The following ASIC2 variants were observed in gnomAD, a reference collection of about 807,000 sequenced individuals.
ASIC2 encodes the protein acid sensing ion channel subunit 2.
Under a neutral mutation model 57.3 loss-of-function variants are expected in ASIC2, and 25 were observed. The ratio of observed to expected loss-of-function variants is 0.44; its 90% CI spans 0.32 to 0.61. ASIC2 has a LOEUF of 0.61. Among genes scored for constraint, ASIC2 ranks in the 20% least tolerant of loss-of-function variants. ASIC2 has a pLI of 0.06. For missense variants in ASIC2, 641 were observed against 738.1 expected (o/e 0.87, Z 1.52); for synonymous variants, 319 against 307.5 (o/e 1.04, Z -0.39).
chr17:33,843,262 G>A (rs1376758732), intron 1 of ASIC2, among the ~76,000 whole-genome samples: 1 of 152,202 alleles, frequency 6.6e-6, no homozygotes, highest in Non-Finnish European at 1.5e-5. Flanking sequence ...GCATATGGTA[G>A]GTGGTCAATG....
intron 1 of ASIC2, among the ~76,000 whole-genome samples, chr17:33,436,461 G>A (rs1313399287): frequency 6.6e-6 from 1 of 152,096 alleles, no homozygotes; most frequent in East Asian, 1.9e-4. Context: ...TCTGGCAACT[G>A]ACTGAACCCA....
intron 3 of ASIC2, among the ~76,000 whole-genome samples, chr17:33,035,721 A>G (rs1304206153): frequency 6.6e-6 from 1 of 152,216 alleles, no homozygotes; most frequent in Non-Finnish European, 1.5e-5. Context: ...CAATGGCAGC[A>G]ACTGAAATTA....
chr17:33,579,171 A>C (rs991340500), intron 1 of ASIC2, among the ~76,000 whole-genome samples: 23 of 151,982 alleles, frequency 1.5e-4, no homozygotes, highest in African/African-American at 5.3e-4. Flanking sequence ...CTGTAATCCC[A>C]GCTACTTGAG....
intron 1 of ASIC2, among the ~76,000 whole-genome samples, chr17:33,576,732 C>T (rs1232580014): frequency 6.6e-6 from 1 of 151,924 alleles, no homozygotes; most frequent in African/African-American, 2.4e-5. Context: ...TTTCTCCTTA[C>T]TCCCTACCCA....
At chr17:34,153,295 TA>T (rs1904594949) in intron 1 of ASIC2, among the ~76,000 whole-genome samples, 1 of 152,088 alleles carries the variant, frequency 6.6e-6, no homozygotes. Flanking sequence ...CCACCGCACT[TA>T]AAGAAAGAAG....
Position 34,011,187 on chromosome 17 carries a change from GCA to G in ASIC2, c.555+144789_555+144790del, listed in dbSNP as rs966056803. Among the ~76,000 whole-genome samples the G allele has an allele frequency of 3.8e-4, 37 of 97,408 alleles. No homozygotes were observed. In the East Asian group the frequency reaches 9.5e-3, roughly 25 times the overall value. 63.9% of individuals were successfully genotyped at this position (97,408 alleles called of 152,430 possible). A position where few individuals can be genotyped will look rare whatever the true frequency, so the allele number is the denominator to read the frequency against. Reference sequence around the variant, plus strand: ...TGCCTCCAGTCAAACATGCACAGATGCACACACACATAGACATATACAGACAC... The same window carrying G: ...TGCCTCCAGTCAAACATGCACAGATGCACACACATAGACATATACAGACAC... On this transcript the variant is annotated intron_variant, in intron 1 of 9. Transcript: ENST00000359872.
chr17:33,855,950 T>C (rs1014879045), intron 1 of ASIC2, among the ~76,000 whole-genome samples: 1 of 151,188 alleles, frequency 6.6e-6, no homozygotes, highest in African/African-American at 2.4e-5. Flanking sequence ...GATTAAAAAA[T>C]GATAAGGTCC....
At chr17:33,124,578 C>T (rs2092316123) in intron 1 of ASIC2, among the ~76,000 whole-genome samples, 2 of 152,130 alleles carry the variant, frequency 1.3e-5, no homozygotes, top group African/African-American at 4.8e-5. Flanking sequence ...GCCAGTGTCT[C>T]TGTAGTAAAA....
At chr17:33,149,305 C>T (rs1049716613) in intron 1 of ASIC2, among the ~76,000 whole-genome samples, 2 of 152,140 alleles carry the variant, frequency 1.3e-5, no homozygotes, top group Non-Finnish European at 2.9e-5. Flanking sequence ...ATATGAACTA[C>T]AAACTTTGTT....
chr17:33,781,360 G>C (rs1438370117), intron 1 of ASIC2, among the ~76,000 whole-genome samples: 2 of 152,128 alleles, frequency 1.3e-5, no homozygotes, highest in Non-Finnish European at 2.9e-5. Context: ...TGCATTTCTT[G>C]GAATTGCTTT....
chr17:33,713,136 AG>A (rs1909105995), intron 1 of ASIC2, among the ~76,000 whole-genome samples: 1 of 152,240 alleles, frequency 6.6e-6, no homozygotes, highest in Non-Finnish European at 1.5e-5. Flanking sequence ...TATTAGGAAC[AG>A]GTCACTAGGA....
chr17:33,227,012 T>TC (rs1273839516), intron 1 of ASIC2, among the ~76,000 whole-genome samples: 1 of 152,026 alleles, frequency 6.6e-6, no homozygotes, highest in Non-Finnish European at 1.5e-5. Context: ...CAATAACTTT[T>TC]TTTTCAAGCC....
intron 1 of ASIC2, among the ~76,000 whole-genome samples, chr17:33,230,820 T>C (rs1908061888): frequency 1.3e-5 from 2 of 152,136 alleles, no homozygotes; most frequent in Non-Finnish European, 2.9e-5. Flanking sequence ...TGCGCAAGGT[T>C]AATGCTGGGC....
chr17:34,155,793 C>T (rs910614393), intron 1 of ASIC2: 10 of 651,810 alleles, frequency 1.5e-5, no homozygotes, highest in Non-Finnish European at 2.3e-5. Flanking sequence ...GTGCTCTATC[C>T]TGGCCGGTAG....
intron 1 of ASIC2, among the ~76,000 whole-genome samples, chr17:33,553,909 T>C (rs886778480): frequency 1.2e-4 from 19 of 152,150 alleles, no homozygotes; most frequent in Non-Finnish European, 2.8e-4. Flanking sequence ...GCAAAGAACT[T>C]TGATTGTTCT....
At chr17:33,893,759 T>A (rs1271794539) in intron 1 of ASIC2, among the ~76,000 whole-genome samples, 3 of 152,220 alleles carry the variant, frequency 2.0e-5, no homozygotes, top group Non-Finnish European at 4.4e-5. Context: ...ATGTAGTGGA[T>A]CATAAGTCAC....
At chr17:33,317,886 A>AGTGTGTGTGTGTGT in intron 1 of ASIC2, among the ~76,000 whole-genome samples, 1 of 144,454 alleles carries the variant, frequency 6.9e-6, no homozygotes, top group Non-Finnish European at 1.5e-5. Flanking sequence ...TGTGGAGATG[A>AGTGTGTGTGTGTGT]GTGTGTGTGT....
intron 1 of ASIC2, among the ~76,000 whole-genome samples, chr17:33,737,574 C>T (rs1909958451): frequency 1.3e-5 from 2 of 152,242 alleles, no homozygotes; most frequent in Admixed American, 1.3e-4. Context: ...CTTTGAACTT[C>T]AGATTCCTCA....
intron 1 of ASIC2, among the ~76,000 whole-genome samples, chr17:33,310,882 A>G (rs2142204522): frequency 6.6e-6 from 1 of 152,312 alleles, no homozygotes; most frequent in Non-Finnish European, 1.5e-5. Context: ...ATCTGCCTCT[A>G]TATCTATCTA....
Sources: gnomAD v4.1 joint callset for allele counts (sites outside exome capture counted in the v4.1 genomes callset) on GRCh38, gnomAD v4.1.1 for gene constraint, MANE v1.5 for transcripts, NCBI Gene and HGNC (gene_info 2026-07-23, HGNC 2026-07-21) for gene names.